Variants in SLC6A13 observed in about 807,000 individuals in gnomAD.
SLC6A13 encodes the protein sodium- and chloride-dependent GABA transporter 2.
A neutral mutation model predicts 72.9 loss-of-function variants in SLC6A13; 69 were observed. That is an observed-to-expected ratio of 0.95 (90% confidence interval 0.78 to 1.16). The LOEUF is 1.16. Ranked by LOEUF, SLC6A13 falls within the 50% of genes most tolerant of loss-of-function variation. The pLI, the probability that SLC6A13 is intolerant of heterozygous loss-of-function variation, is 0.00. For missense variants in SLC6A13, 735 were observed against 760.5 expected (o/e 0.97, Z 0.39); for synonymous variants, 303 against 303.0 (o/e 1.00, Z 0.00).
chr12:236,915 G>A, intron 6 of SLC6A13: 1 of 425,882 alleles, frequency 2.3e-6, no homozygotes, highest in Non-Finnish European at 4.2e-6. Flanking sequence ...CCCATCGTCA[G>A]TTCCAAGATC....
intron 2 of SLC6A13, among the ~76,000 whole-genome samples, chr12:248,403 G>GAAA (rs35297718): frequency 1.0e-5 from 1 of 100,448 alleles, no homozygotes; most frequent in Non-Finnish European, 2.0e-5. Flanking sequence ...CTCCGTCTCG[G>GAAA]AAAAAAAAAA....
chr12:227,768 G>A, intron 7 of SLC6A13, 100 bp from the exon 8 acceptor site: 1 of 1,007,780 alleles, frequency 9.9e-7, no homozygotes, highest in Admixed American at 2.6e-5. Context: ...CACTGGCTAG[G>A]GATGGCGAGA....
At chr12:230,573 T>G (rs1320435725) in intron 7 of SLC6A13, among the ~76,000 whole-genome samples, 1 of 152,196 alleles carries the variant, frequency 6.6e-6, no homozygotes, top group Non-Finnish European at 1.5e-5. Flanking sequence ...AATATTAGTT[T>G]CCTATCTCAC....
intron 2 of SLC6A13, chr12:258,850 G>A (rs1942832181): frequency 4.6e-6 from 4 of 877,946 alleles, no homozygotes; most frequent in Non-Finnish European, 5.5e-6. Context: ...ACACATTTGT[G>A]CTGCGAAATT....
chr12:246,710 G>GA (rs1161454753), intron 2 of SLC6A13, among the ~76,000 whole-genome samples: 1 of 151,906 alleles, frequency 6.6e-6, no homozygotes, highest in Non-Finnish European at 1.5e-5. Flanking sequence ...AACACAGAGA[G>GA]AAAAAAGAAC....
At position 221,673 on chromosome 12, in the gene SLC6A13, A is replaced by C. The variant is rs1203289051; in HGVS notation, c.1516-127T>G. On this transcript the variant is annotated intron_variant, in intron 13 of 14. Coordinates refer to ENST00000343164, the MANE Select transcript of SLC6A13 (RefSeq NM_016615.5). ...GGATTCCCTCTAGCTCTTCTGGACC[A>C]ATCAGCCTCCAATCTTCTCCATCCA... The C allele has an allele frequency of 1.1e-5, 7 of 631,406 alleles. No individual in the cohort carries two copies. The South Asian group carries it at 1.4e-4, about 13-fold the overall frequency. 39.1% of individuals were successfully genotyped at this position (631,406 alleles called of 1,614,324 possible). A position where few individuals can be genotyped will look rare whatever the true frequency, so the allele number is the denominator to read the frequency against.
chr12:235,232 T>C lies in SLC6A13; in HGVS notation c.697-8A>G, dbSNP rs1941882753. The C allele has an allele frequency of 1.2e-6, 2 of 1,614,110 alleles. No homozygotes were observed. Among genetic ancestry groups the C allele is most frequent in the East Asian group, 2.2e-5 (1 of 44,880 alleles). The stretch of plus-strand genomic sequence containing the variant: ...GGCCGTGAAGTACACCACCTGGTCA[T>C]GGGCAAATGAGAGACAAGGAGCTTG... On this transcript the variant is annotated splice_polypyrimidine_tract_variant and splice_region_variant and intron_variant, in intron 6 of 14. Coordinates refer to ENST00000343164, the MANE Select transcript of SLC6A13 (RefSeq NM_016615.5).
At chr12:259,709 G>A (rs1274026537) in intron 2 of SLC6A13, 142 bp downstream of exon 2, 1 of 1,563,494 alleles carries the variant, frequency 6.4e-7, no homozygotes, top group Admixed American at 1.9e-5. Context: ...CTCTTACAGA[G>A]TGTCCTTAAT....
At chr12:242,555 A>C in intron 4 of SLC6A13, 59 bp downstream of exon 4, 1 of 1,534,234 alleles carries the variant, frequency 6.5e-7, no homozygotes. Context: ...TGACAAGCCC[A>C]ATTCCGGTTA....
chr12:254,564 G>A lies in SLC6A13; in HGVS notation c.202+5287C>T, dbSNP rs1024104843. 3.3e-5 allele frequency among the ~76,000 whole-genome samples: 5 copies of A among 152,096 alleles called. No homozygotes were observed. Among genetic ancestry groups the A allele is most frequent in the African/African-American group, 7.2e-5 (3 of 41,480 alleles). On this transcript the variant is annotated intron_variant, in intron 2 of 14. Coordinates refer to ENST00000343164, the MANE Select transcript of SLC6A13 (RefSeq NM_016615.5). The surrounding 1 kb of genome is among the most constrained non-coding windows in gnomAD (Gnocchi z 4.4). ...CCTCCCTGATAGAATTTCTTCACTC[G>A]ACTTTCCAAAACACTTCATTCTCTT...
At chr12:245,393 C>G (rs950590497) in intron 2 of SLC6A13, among the ~76,000 whole-genome samples, 1 of 152,082 alleles carries the variant, frequency 6.6e-6, no homozygotes, top group African/African-American at 2.4e-5. Context: ...TACAGAAATA[C>G]GAAATTGGCC....
Position 243,936 on chromosome 12 carries a change from T to C in SLC6A13, c.203-123A>G, listed in dbSNP as rs1165555894. 7 of 827,724 alleles carry C rather than the reference T, an allele frequency of 8.5e-6. No homozygotes were observed. In the East Asian group the frequency reaches 1.9e-4, roughly 23 times the overall value. 51.3% of individuals were successfully genotyped at this position (827,724 alleles called of 1,614,324 possible). A position where few individuals can be genotyped will look rare whatever the true frequency, so the allele number is the denominator to read the frequency against. On this transcript the variant is annotated intron_variant, in intron 2 of 14. Coordinates refer to ENST00000343164, the MANE Select transcript of SLC6A13 (RefSeq NM_016615.5). ...CTCGGAGGCAGAGAACATGCAAAACTGCAGGAGACAGCTGTCTAGATGTTT... is the reference window on the plus strand; with the variant it reads ...CTCGGAGGCAGAGAACATGCAAAACCGCAGGAGACAGCTGTCTAGATGTTT...
intron 1 of SLC6A13, among the ~76,000 whole-genome samples, chr12:262,422 A>G (rs1942955789): frequency 6.6e-6 from 1 of 152,246 alleles, no homozygotes; most frequent in Admixed American, 6.5e-5. Context: ...ATACATATGT[A>G]TACACACTTA....
At chr12:250,842 A>AAAAAAAC (rs1942510244) in intron 2 of SLC6A13, among the ~76,000 whole-genome samples, 1 of 150,774 alleles carries the variant, frequency 6.6e-6, no homozygotes, top group African/African-American at 2.4e-5. Context: ...CCAAAAAAAA[A>AAAAAAAC]AAAAAAAAAA....
chr12:227,432 G>C, intron 8 of SLC6A13, 133 bp downstream of exon 8: 1 of 1,472,052 alleles, frequency 6.8e-7, no homozygotes, highest in South Asian at 1.3e-5. Context: ...GCCCTGGGGT[G>C]TTGGATATGG....
At chr12:252,680 G>GGAAAGATA (rs1490555873) in intron 2 of SLC6A13, among the ~76,000 whole-genome samples, 1 of 152,224 alleles carries the variant, frequency 6.6e-6, no homozygotes, top group Non-Finnish European at 1.5e-5. Flanking sequence ...AAGGAAAACA[G>GGAAAGATA]GAAAGATAGA....
At chr12:262,283 T>G (rs965230240) in intron 1 of SLC6A13, among the ~76,000 whole-genome samples, 28 of 152,342 alleles carry the variant, frequency 1.8e-4, no homozygotes, top group African/African-American at 6.7e-4. Context: ...GTTCAAACAT[T>G]AGTTTTTTCT....
intron 13 of SLC6A13, 69 bp downstream of exon 13, chr12:222,463 G>T: frequency 1.1e-6 from 1 of 920,676 alleles, no homozygotes; most frequent in Non-Finnish European, 1.7e-6. Context: ...AGGGCTAACG[G>T]CTTCTCTACC....
chr12:245,350 T>C (rs1258026369), intron 2 of SLC6A13, among the ~76,000 whole-genome samples: 1 of 152,174 alleles, frequency 6.6e-6, no homozygotes, highest in Non-Finnish European at 1.5e-5. Context: ...AGCAAGTAAC[T>C]TCACTGATCC....
Sources: allele counts gnomAD v4.1 joint callset (sites outside exome capture counted in the v4.1 genomes callset), GRCh38; gene constraint gnomAD v4.1.1; non-coding constraint Gnocchi (gnomAD v3.1); transcripts MANE v1.5; gene names NCBI Gene and HGNC (gene_info 2026-07-23, HGNC 2026-07-21).